Variants in TRAPPC9 observed in about 807,000 individuals in gnomAD.
TRAPPC9 encodes trafficking protein particle complex subunit 9.
In TRAPPC9, 83 loss-of-function variants were observed where a neutral mutation model predicts 124.0. The ratio of observed to expected loss-of-function variants is 0.67; its 90% CI spans 0.56 to 0.80. The LOEUF is 0.80. TRAPPC9 is among the 30% of genes least tolerant of loss of function. TRAPPC9 has a pLI of 0.00. For missense variants in TRAPPC9, 1,302 were observed against 1,508.3 expected, an observed-to-expected ratio of 0.86 and a Z score of 2.27; for synonymous variants, 638 against 617.5, an observed-to-expected ratio of 1.03 and a Z score of -0.49.
intron 17 of TRAPPC9, among the ~76,000 whole-genome samples, chr8:140,039,152 G>A (rs978931306): frequency 6.6e-6 from 1 of 152,216 alleles, no homozygotes; most frequent in African/African-American, 2.4e-5. Flanking sequence ...TCTAGCCTCA[G>A]AGTCTGGAAG....
chr8:140,143,618 AC>A (rs2061413280), intron 17 of TRAPPC9, among the ~76,000 whole-genome samples: 1 of 152,130 alleles, frequency 6.6e-6, no homozygotes, highest in South Asian at 2.1e-4. Flanking sequence ...ACTCTTTCCT[AC>A]CCCATGGTCT....
chr8:139,976,352 A>G (rs1368310580), intron 19 of TRAPPC9, among the ~76,000 whole-genome samples: 1 of 152,240 alleles, frequency 6.6e-6, no homozygotes, highest in Non-Finnish European at 1.5e-5. Flanking sequence ...ATAGGAGAAC[A>G]TATTTGTGAC....
chr8:140,033,674 T>TTG lies in TRAPPC9; in HGVS notation c.2557-9596_2557-9595insCA, dbSNP rs1563706836. Among the ~76,000 whole-genome samples the TTG allele has an allele frequency of 2.3e-4, 21 of 93,090 alleles. No homozygotes were observed. In the South Asian group the frequency reaches 2.5e-3, roughly 11 times the overall value. 61.1% of individuals were successfully genotyped at this position (93,090 alleles called of 152,430 possible). ...CATAATGTGGTTTTTTTTTTTTTTT[T>TTG]TTTTTTTTTTTTTTTTTTTTTTTTT... On this transcript the variant is annotated intron_variant, in intron 17 of 22. Coordinates refer to ENST00000438773, the MANE Select transcript of TRAPPC9 (RefSeq NM_001160372.4).
intron 20 of TRAPPC9, among the ~76,000 whole-genome samples, chr8:139,897,301 G>C (rs1830725069): frequency 6.6e-6 from 1 of 152,184 alleles, no homozygotes; most frequent in African/African-American, 2.4e-5. Context: ...CCAGGGGCTG[G>C]GGCTAGCCCT....
At chr8:140,065,957 C>T (rs999850320) in intron 17 of TRAPPC9, among the ~76,000 whole-genome samples, 1 of 152,120 alleles carries the variant, frequency 6.6e-6, no homozygotes, top group Non-Finnish European at 1.5e-5. Context: ...GCTACAGCTG[C>T]CATAGATAGT....
chr8:139,812,191 A>G (rs1824490195), intron 21 of TRAPPC9, among the ~76,000 whole-genome samples: 1 of 152,226 alleles, frequency 6.6e-6, no homozygotes, highest in Non-Finnish European at 1.5e-5. Context: ...AAAAATAAAC[A>G]CTGCAGAAAA....
At chr8:140,010,255 G>A (rs1839035642) in intron 18 of TRAPPC9, among the ~76,000 whole-genome samples, 1 of 152,080 alleles carries the variant, frequency 6.6e-6, no homozygotes. Context: ...AAAAACATAT[G>A]AAAGATGGAT....
At chr8:140,018,324 A>ATTTTTTCTTTTTTCTTTTTTTTCT (rs765656679) in intron 18 of TRAPPC9, among the ~76,000 whole-genome samples, 3 of 119,778 alleles carry the variant, frequency 2.5e-5, no homozygotes, top group African/African-American at 9.8e-5. Flanking sequence ...AACGTAAGTG[A>ATTTTTTCTTTTTTCTTTTTTTTCT]TTTTTTTTTT....
At chr8:139,781,144 G>C (rs148315749) in intron 21 of TRAPPC9, among the ~76,000 whole-genome samples, 41 of 152,186 alleles carry the variant, frequency 2.7e-4, no homozygotes, top group African/African-American at 9.6e-4. Flanking sequence ...GTATAATCTA[G>C]CAGTCACACT....
At chr8:140,067,620 A>G (rs1402639460) in intron 17 of TRAPPC9, among the ~76,000 whole-genome samples, 2 of 152,142 alleles carry the variant, frequency 1.3e-5, no homozygotes, top group East Asian at 1.9e-4. Context: ...CATCTTCCTC[A>G]ATTTCTTCAT....
chr8:140,081,395 G>C (rs1843812132), intron 17 of TRAPPC9, among the ~76,000 whole-genome samples: 1 of 149,060 alleles, frequency 6.7e-6, no homozygotes, highest in Non-Finnish European at 1.5e-5. Context: ...GCCCAGGCTG[G>C]AGTGCAGTGG....
intron 21 of TRAPPC9, among the ~76,000 whole-genome samples, chr8:139,794,978 A>C (rs1822946578): frequency 1.3e-5 from 2 of 152,234 alleles, no homozygotes; most frequent in Admixed American, 6.5e-5. Context: ...AGGAGAACGC[A>C]GGGAATAAAA....
chr8:140,073,785 C>T (rs1039975934), intron 17 of TRAPPC9, among the ~76,000 whole-genome samples: 5 of 152,124 alleles, frequency 3.3e-5, no homozygotes, highest in Non-Finnish European at 5.9e-5. Flanking sequence ...AATGGCTCAA[C>T]GTTGATGATT....
At chr8:140,008,902 G>C (rs1017023903) in intron 18 of TRAPPC9, among the ~76,000 whole-genome samples, 1 of 152,180 alleles carries the variant, frequency 6.6e-6, no homozygotes, top group African/African-American at 2.4e-5. Context: ...GCTGGGTATA[G>C]GGTGCATAGA....
chr8:140,331,629 C>CATCATCATCATT (rs1186275303), intron 9 of TRAPPC9, among the ~76,000 whole-genome samples: 1 of 151,870 alleles, frequency 6.6e-6, no homozygotes, highest in East Asian at 1.9e-4. Context: ...TCATCATCAT[C>CATCATCATCATT]ATCATCATCA....
chr8:140,227,853 T>C (rs2063490660), intron 16 of TRAPPC9, among the ~76,000 whole-genome samples: 1 of 152,218 alleles, frequency 6.6e-6, no homozygotes, highest in African/African-American at 2.4e-5. Context: ...AGAAGGTAAG[T>C]ACCTTGCTCA....
intron 21 of TRAPPC9, among the ~76,000 whole-genome samples, chr8:139,733,464 C>T (rs1192900861): frequency 6.6e-6 from 1 of 152,216 alleles, no homozygotes; most frequent in African/African-American, 2.4e-5. Context: ...GGGGCCCTTC[C>T]TGCTGGGCAA....
chr8:139,760,252 C>T (rs556669297), intron 21 of TRAPPC9, among the ~76,000 whole-genome samples: 3 of 152,108 alleles, frequency 2.0e-5, no homozygotes, highest in Non-Finnish European at 2.9e-5. Flanking sequence ...CAGATTCAGA[C>T]AGCAAAGAAC....
intron 2 of TRAPPC9, among the ~76,000 whole-genome samples, chr8:140,440,980 T>C (rs2070995614): frequency 6.9e-6 from 1 of 144,480 alleles, no homozygotes; most frequent in African/African-American, 2.6e-5. Flanking sequence ...TACTTTTTTT[T>C]TTTTTTTTTT....
Sources: allele counts gnomAD v4.1 joint callset (sites outside exome capture counted in the v4.1 genomes callset), GRCh38; gene constraint gnomAD v4.1.1; transcripts MANE v1.5; gene names NCBI Gene and HGNC (gene_info 2026-07-23, HGNC 2026-07-21).